Variants in JAK1 observed in about 807,000 individuals in gnomAD.
JAK1 encodes the protein Janus kinase 1.
A neutral mutation model predicts 136.6 loss-of-function variants in JAK1; 16 were observed. That is an observed-to-expected ratio of 0.12 (90% confidence interval 0.08 to 0.18). JAK1 has a LOEUF of 0.18. Among genes scored for constraint, JAK1 ranks in the 10% least tolerant of loss-of-function variants. The probability of loss-of-function intolerance (pLI) is 1.00; values close to 1 mark genes in which losing one functional copy is unlikely to be tolerated. For synonymous variants in JAK1, 492 were observed against 519.5 expected, an observed-to-expected ratio of 0.95 and a Z score of 0.72; for missense variants, 859 against 1,450.1, an observed-to-expected ratio of 0.59 and a Z score of 6.62.
intron 1 of JAK1, among the ~76,000 whole-genome samples, chr1:65,052,057 G>A (rs370744738): frequency 2.6e-5 from 4 of 150,980 alleles, no homozygotes; most frequent in Admixed American, 2.0e-4. Context: ...CTGGGCTCAC[G>A]CAATCCTGCC....
At position 64,984,861 on chromosome 1, in the gene JAK1, G is replaced by C; in HGVS notation, c.-78+59619C>G. The stretch of plus-strand genomic sequence containing the variant: ...GAAAAGCAATCTGACTAGGAAGTTG[G>C]AGGTCCAGGTGGAGCAGCCGGCCAC... On this transcript the variant is annotated intron_variant, in intron 2 of 25. Transcript: ENST00000671954. This position sits in a 1 kb window ranked among gnomAD's most constrained non-coding sequence, Gnocchi z 4.1. 8.4e-7 allele frequency: 1 copy of C among 1,187,482 alleles called. No individual in the cohort carries two copies. The highest frequency in any genetic ancestry group is 1.3e-6 in the Non-Finnish European group (1 of 795,324). 73.6% of individuals were successfully genotyped at this position (1,187,482 alleles called of 1,614,324 possible). A position where few individuals can be genotyped will look rare whatever the true frequency, so the allele number is the denominator to read the frequency against.
intron 2 of JAK1, among the ~76,000 whole-genome samples, chr1:65,020,908 T>G (rs573167067): frequency 2.6e-4 from 39 of 152,288 alleles, no homozygotes; most frequent in African/African-American, 8.9e-4. Context: ...AAAGAAAGCC[T>G]TTATTAGAAC....
At chr1:64,955,006 T>C (rs762778635) in intron 1 of JAK1, among the ~76,000 whole-genome samples, 2 of 152,226 alleles carry the variant, frequency 1.3e-5, no homozygotes, top group African/African-American at 2.4e-5. Flanking sequence ...TCTTCCAAAA[T>C]ACTTGATGAT....
At position 64,855,641 on chromosome 1, in the gene JAK1, G is replaced by A. The variant is rs61735631; in HGVS notation, c.1516C>T (p.Arg506Cys). 1,008 of 1,614,062 alleles carry A rather than the reference G, an allele frequency of 6.2e-4. 3 individuals carry two copies. The highest frequency in any genetic ancestry group is 7.4e-4 in the Non-Finnish European group (879 of 1,179,988). The part of the protein sequence containing the change: ...KNFQIEVQKG[R>C]YSLHGSDRSF... ...CGGTCCGAACCGTGCAGACTGTAGC[G>A]GCCCTTCTGCACCTCGATCTGAAAG... Residue 506 changes from arginine to cysteine, a missense_variant, in exon 11 of 25, where the codon CGC becomes TGC. Transcript: ENST00000342505.
intron 1 of JAK1, among the ~76,000 whole-genome samples, chr1:64,952,812 T>C (rs1646114828): frequency 6.6e-6 from 1 of 152,198 alleles, no homozygotes; most frequent in Non-Finnish European, 1.5e-5. Context: ...CAATAGGGTA[T>C]TGGTACAAAT....
chr1:64,985,969 T>C lies in JAK1; in HGVS notation c.-78+58511A>G, dbSNP rs906803538. The C allele has an allele frequency of 3.4e-6, 4 of 1,187,990 alleles. No individual in the cohort carries two copies. The African/African-American group carries it at 4.6e-5, about 14-fold the overall frequency. The allele number at this position is 1,187,990 out of a possible 1,614,324, so 73.6% of individuals were successfully genotyped here. A position where few individuals can be genotyped will look rare whatever the true frequency, so the allele number is the denominator to read the frequency against. Reference sequence around the variant, plus strand: ...TTTGCCTTGTCCTTCAAAGTGTTGATAAATTCCCTTATGATCATCTCAGGA... The same window carrying C: ...TTTGCCTTGTCCTTCAAAGTGTTGACAAATTCCCTTATGATCATCTCAGGA... On this transcript the variant is annotated intron_variant, in intron 2 of 25. Transcript: ENST00000671954.
chr1:64,878,561 G>GTC (rs1298801037), intron 4 of JAK1, among the ~76,000 whole-genome samples: 2 of 119,932 alleles, frequency 1.7e-5, no homozygotes, highest in African/African-American at 6.0e-5. Flanking sequence ...TATATAGTGT[G>GTC]TATATATATA....
chr1:65,057,341 A>C (rs559927935), intron 1 of JAK1, among the ~76,000 whole-genome samples: 4 of 152,370 alleles, frequency 2.6e-5, no homozygotes, highest in African/African-American at 9.6e-5. Flanking sequence ...GTTCTCCAAT[A>C]ACCACCTTTC....
intron 1 of JAK1, among the ~76,000 whole-genome samples, chr1:65,063,674 A>T (rs963260171): frequency 6.6e-6 from 1 of 152,010 alleles, no homozygotes; most frequent in Non-Finnish European, 1.5e-5. Context: ...GCGTGGTGGC[A>T]CACACCTGTA....
intron 1 of JAK1, among the ~76,000 whole-genome samples, chr1:64,936,869 T>C (rs1645798619): frequency 6.6e-6 from 1 of 152,102 alleles, no homozygotes; most frequent in African/African-American, 2.4e-5. Context: ...AACAGTAGGT[T>C]GTACCATATG....
chr1:64,997,175 A>G (rs990746811), intron 2 of JAK1, among the ~76,000 whole-genome samples: 1 of 152,222 alleles, frequency 6.6e-6, no homozygotes. Flanking sequence ...TCTATGCCTC[A>G]AGTAATTTCT....
chr1:64,938,261 GAAC>G (rs1220079803), intron 1 of JAK1, among the ~76,000 whole-genome samples: 1 of 151,902 alleles, frequency 6.6e-6, no homozygotes. Context: ...CTTTCGTAAA[GAAC>G]AACTTTGATG....
At chr1:64,942,697 G>A (rs575878342) in intron 1 of JAK1, among the ~76,000 whole-genome samples, 2 of 152,194 alleles carry the variant, frequency 1.3e-5, no homozygotes, top group East Asian at 3.9e-4. Flanking sequence ...ATCAGCAAAT[G>A]CCATGCCTGC....
intron 2 of JAK1, among the ~76,000 whole-genome samples, chr1:64,975,945 G>A (rs1265645596): frequency 2.0e-5 from 3 of 152,188 alleles, no homozygotes; most frequent in Non-Finnish European, 4.4e-5. Context: ...GCAGTAATTT[G>A]TAATACAATG....
intron 2 of JAK1, among the ~76,000 whole-genome samples, chr1:64,973,267 CGGAA>C (rs1290329060): frequency 1.6e-5 from 2 of 123,024 alleles, no homozygotes; most frequent in African/African-American, 3.1e-5. Flanking sequence ...GAAAGAAAGA[CGGAA>C]GGAAGGAAAG....
chr1:64,843,707 G>A (rs921561162), intron 17 of JAK1, among the ~76,000 whole-genome samples: 12 of 147,294 alleles, frequency 8.1e-5, no homozygotes, highest in Admixed American at 7.4e-4. Flanking sequence ...TACACAATAG[G>A]AACTCCATAC....
intron 10 of JAK1, among the ~76,000 whole-genome samples, chr1:64,856,992 T>C (rs778404503): frequency 6.6e-6 from 1 of 152,236 alleles, no homozygotes; most frequent in Non-Finnish European, 1.5e-5. Flanking sequence ...TTTGAAAATA[T>C]TCCACTTTGT....
intron 1 of JAK1, among the ~76,000 whole-genome samples, chr1:64,913,689 A>AAAGAAGGG: frequency 2.6e-5 from 1 of 37,770 alleles, no homozygotes; most frequent in Non-Finnish European, 8.3e-5. Context: ...GGAAGGAAGG[A>AAAGAAGGG]AGGAAGGAAG....
At chr1:64,977,079 T>C (rs1162339022) in intron 2 of JAK1, among the ~76,000 whole-genome samples, 1 of 152,222 alleles carries the variant, frequency 6.6e-6, no homozygotes, top group African/African-American at 2.4e-5. Context: ...ATATACAGGA[T>C]ACAGATACAT....
Sources: gnomAD v4.1 joint callset for allele counts (sites outside exome capture counted in the v4.1 genomes callset) on GRCh38, gnomAD v4.1.1 for gene constraint, Gnocchi (gnomAD v3.1) non-coding constraint, MANE v1.5 for transcripts, NCBI Gene and HGNC (gene_info 2026-07-23, HGNC 2026-07-21) for gene names.